Variants in TNS1 observed in about 807,000 individuals in gnomAD.
The protein encoded by TNS1 is tensin-1.
In TNS1, 62 loss-of-function variants were observed where a neutral mutation model predicts 168.6. The ratio of observed to expected loss-of-function variants is 0.37; its 90% CI spans 0.30 to 0.45. The LOEUF (loss-of-function observed/expected upper bound fraction) is 0.45, where lower values mean the gene tolerates loss of function less well. Ranked by LOEUF, TNS1 falls within the 20% of genes least tolerant of loss-of-function variation. The pLI, the probability that TNS1 is intolerant of heterozygous loss-of-function variation, is 1.00. For missense variants in TNS1, 2,240 were observed against 2,339.4 expected (o/e 0.96, Z 0.88); for synonymous variants, 934 against 933.2 (o/e 1.00, Z -0.02).
chr2:217,890,921 G>A (rs188389955), intron 12 of TNS1, 41 bp downstream of exon 12: 3 of 1,592,436 alleles, frequency 1.9e-6, no homozygotes, highest in Non-Finnish European at 2.6e-6. Flanking sequence ...TAGAGTGAGT[G>A]CACACATACA....
At position 217,972,139 on chromosome 2, in the gene TNS1, C is replaced by A. The variant is rs149938472; in HGVS notation, c.186+6626G>T. Among the ~76,000 whole-genome samples, 516 of 152,308 alleles carry A rather than the reference C, an allele frequency of 3.4e-3. 5 individuals are homozygous for A. Among genetic ancestry groups the A allele is most frequent in the Non-Finnish European group, 5.0e-3 (341 of 68,032 alleles). ...GTAGGGTTACCATTCCCAGCCCTCA[C>A]AAGAGCTCTACAAGATAAGTACTAC... On this transcript the variant is annotated intron_variant, in intron 3 of 32. Coordinates refer to ENST00000682258, the MANE Select transcript of TNS1 (RefSeq NM_001387777.1).
chr2:217,919,808 T>C (rs2288176), intron 4 of TNS1, among the ~76,000 whole-genome samples: 1 of 152,056 alleles, frequency 6.6e-6, no homozygotes, highest in Non-Finnish European at 1.5e-5. Flanking sequence ...GAATGGACTC[T>C]GAGGGTCATC....
chr2:217,878,738 G>A (rs1306140150), intron 18 of TNS1, among the ~76,000 whole-genome samples: 1 of 152,154 alleles, frequency 6.6e-6, no homozygotes, highest in African/African-American at 2.4e-5. Flanking sequence ...CCATTTTACA[G>A]CAGGTCAAAC....
At chr2:217,946,050 A>G (rs1046623685) in intron 3 of TNS1, among the ~76,000 whole-genome samples, 3 of 152,084 alleles carry the variant, frequency 2.0e-5, no homozygotes, top group African/African-American at 7.2e-5. Context: ...CCAGCTCCCC[A>G]CTGCCTGCTA....
At chr2:217,868,167 T>G (rs775056191) in intron 18 of TNS1, among the ~76,000 whole-genome samples, 1 of 152,214 alleles carries the variant, frequency 6.6e-6, no homozygotes, top group Non-Finnish European at 1.5e-5. Flanking sequence ...AGAATGTAGA[T>G]GATGTGGGGT....
intron 3 of TNS1, among the ~76,000 whole-genome samples, chr2:217,965,706 C>A (rs561228786): frequency 6.6e-6 from 1 of 152,188 alleles, no homozygotes; most frequent in African/African-American, 2.4e-5. Flanking sequence ...CACCACACCC[C>A]GGGAGGCGGC....
At chr2:217,903,167 C>T (rs1953222340) in intron 6 of TNS1, among the ~76,000 whole-genome samples, 1 of 152,182 alleles carries the variant, frequency 6.6e-6, no homozygotes, top group African/African-American at 2.4e-5. Flanking sequence ...TCTCATTCAG[C>T]AAACATCCAC....
intron 18 of TNS1, among the ~76,000 whole-genome samples, chr2:217,873,313 G>A (rs1949934571): frequency 6.6e-6 from 1 of 152,234 alleles, no homozygotes; most frequent in South Asian, 2.1e-4. Flanking sequence ...AGATTAGAAA[G>A]TGGAAGATTG....
intron 3 of TNS1, among the ~76,000 whole-genome samples, chr2:217,960,758 C>T (rs1428428308): frequency 6.6e-6 from 1 of 152,124 alleles, no homozygotes; most frequent in African/African-American, 2.4e-5. Context: ...CTCCCTACCA[C>T]CAGAGGACAA....
At chr2:217,877,019 A>G (rs529940512) in intron 18 of TNS1, among the ~76,000 whole-genome samples, 23 of 152,318 alleles carry the variant, frequency 1.5e-4, no homozygotes, top group Non-Finnish European at 3.1e-4. Context: ...AGGGTCCCCA[A>G]GATGGCAGGC....
At chr2:217,905,099 A>G (rs189387954) in intron 6 of TNS1, among the ~76,000 whole-genome samples, 222 of 152,314 alleles carry the variant, frequency 1.5e-3, no homozygotes, top group African/African-American at 4.9e-3. Flanking sequence ...CTTAGTCAAA[A>G]TAACAGTAAT....
At chr2:217,998,539 C>T (rs1349034510) in intron 1 of TNS1, among the ~76,000 whole-genome samples, 2 of 152,272 alleles carry the variant, frequency 1.3e-5, no homozygotes, top group South Asian at 2.1e-4. Flanking sequence ...CTTGCTCTGT[C>T]GCCTGGGCTG....
At chr2:217,972,905 C>T (rs1407109087) in intron 3 of TNS1, among the ~76,000 whole-genome samples, 1 of 151,956 alleles carries the variant, frequency 6.6e-6, no homozygotes, top group East Asian at 1.9e-4. Flanking sequence ...TTTCTGTAAA[C>T]CTAAGACTAT....
chr2:217,825,707 T>C (rs1312814089), intron 22 of TNS1, among the ~76,000 whole-genome samples: 2 of 152,142 alleles, frequency 1.3e-5, no homozygotes, highest in Non-Finnish European at 2.9e-5. Context: ...CAAGGCTGGG[T>C]CTACTAACTG....
In TNS1 at chr2:217,995,027, A is replaced by C. The variant is rs909132322; in HGVS notation, c.34-3971T>G. ...GAGTGTAGAGAGAGGGGGAAATGAC[A>C]CAACATTCCCTTTGGAATGAAGGGA... On this transcript the variant is annotated intron_variant, in intron 1 of 32. Coordinates refer to ENST00000682258, the MANE Select transcript of TNS1 (RefSeq NM_001387777.1). This position sits in a 1 kb window ranked among gnomAD's most constrained non-coding sequence, Gnocchi z 4.1. 2.0e-5 allele frequency among the ~76,000 whole-genome samples: 3 copies of C among 152,176 alleles called. No individual in the cohort carries two copies. Among genetic ancestry groups the C allele is most frequent in the African/African-American group, 7.2e-5 (3 of 41,434 alleles).
chr2:217,850,664 G>T (rs924691261), intron 18 of TNS1: 2 of 956,218 alleles, frequency 2.1e-6, no homozygotes, highest in Non-Finnish European at 2.5e-6. Context: ...CAGGCTCTCC[G>T]TTAGCAAGGA....
At chr2:217,810,965 A>G (rs1282300373) in intron 28 of TNS1, among the ~76,000 whole-genome samples, 1 of 151,712 alleles carries the variant, frequency 6.6e-6, no homozygotes, top group Admixed American at 6.6e-5. Flanking sequence ...GCAGCCTCAA[A>G]CTCCCATGCT....
chr2:218,010,614 G>A (rs1033553331), upstream of TNS1, among the ~76,000 whole-genome samples: 1 of 151,730 alleles, frequency 6.6e-6, no homozygotes, highest in African/African-American at 2.4e-5. Flanking sequence ...GGCGGGAGGG[G>A]AGCCGGCAGA....
At chr2:217,829,820 GA>G in intron 22 of TNS1, 1 of 1,613,892 alleles carries the variant, frequency 6.2e-7, no homozygotes, top group Non-Finnish European at 8.5e-7. Context: ...CAGAGAGCAG[GA>G]AGTCACAGCA....
Sources: gnomAD v4.1 joint callset for allele counts (sites outside exome capture counted in the v4.1 genomes callset) on GRCh38, gnomAD v4.1.1 for gene constraint, Gnocchi (gnomAD v3.1) non-coding constraint, MANE v1.5 for transcripts, NCBI Gene and HGNC (gene_info 2026-07-23, HGNC 2026-07-21) for gene names.